RALGAPA1: variants seen among roughly 807,000 people sequenced by gnomAD.
The protein encoded by RALGAPA1 is ral GTPase-activating protein subunit alpha-1.
Under a neutral mutation model 269.6 loss-of-function variants are expected in RALGAPA1, and 52 were observed. That is an observed-to-expected ratio of 0.19 (90% confidence interval 0.15 to 0.24). The LOEUF (loss-of-function observed/expected upper bound fraction) is 0.24, where lower values mean the gene tolerates loss of function less well. RALGAPA1 is among the 10% of genes least tolerant of loss of function. RALGAPA1 has a pLI of 1.00. For synonymous variants in RALGAPA1, 817 were observed against 1,008.3 expected (o/e 0.81, Z 3.60); for missense variants, 1,917 against 3,013.9 (o/e 0.64, Z 8.52).
chr14:35,689,553 T>C lies in RALGAPA1; in HGVS notation c.2858A>G (p.Asn953Ser). The change falls in exon 18 of 42, where the codon AAT becomes AGT. Residue 953 changes from asparagine (N) to serine (S), a missense_variant. By Grantham distance (46) the Asn-to-Ser change is conservative (BLOSUM62 1). Coordinates refer to ENST00000680220, the MANE Select transcript of RALGAPA1 (RefSeq NM_001346249.2). ...LKEYFKENQE[N>S]HSKNETGKDP... ...TTTCCCTGTCTCATTTTTACTATGA[T>C]TTTCCTGGTTTTCCTTAAAATATTC... 1 of 1,241,662 alleles carries C rather than the reference T, an allele frequency of 8.1e-7. No individual in the cohort carries two copies. Among genetic ancestry groups the C allele is most frequent in the African/African-American group, 1.5e-5 (1 of 64,580 alleles). 76.9% of individuals were successfully genotyped at this position (1,241,662 alleles called of 1,614,324 possible).
chr14:35,778,134 C>T (rs1424211820), intron 1 of RALGAPA1, among the ~76,000 whole-genome samples: 1 of 152,118 alleles, frequency 6.6e-6, no homozygotes, highest in Non-Finnish European at 1.5e-5. Flanking sequence ...GATTACAACT[C>T]ACTGCAGCCT....
intron 27 of RALGAPA1, among the ~76,000 whole-genome samples, chr14:35,663,298 C>T (rs2063675441): frequency 6.6e-6 from 1 of 151,986 alleles, no homozygotes; most frequent in African/African-American, 2.4e-5. Flanking sequence ...AGAAGTCAGA[C>T]ATTGAACACG....
chr14:35,617,549 C>T (rs137921595), intron 35 of RALGAPA1, among the ~76,000 whole-genome samples: 3,306 of 141,694 alleles, frequency 0.023, 122 homozygotes, highest in South Asian at 0.15. Context: ...ACCCCGAAGG[C>T]GGAGGTTGCA....
In RALGAPA1 at chr14:35,759,538, A is replaced by G. The variant is rs529505271; in HGVS notation, c.547+1291T>C. On this transcript the variant is annotated intron_variant, in intron 6 of 41. Transcript: ENST00000680220. ...TTGCTCATGAAAGAATAAAGAAATA[A>G]CTTTAACTTATTTAAATAACAGGAT... Among the ~76,000 whole-genome samples the G allele has an allele frequency of 2.0e-5, 3 of 152,038 alleles. No individual in the cohort carries two copies. In the East Asian group the frequency reaches 5.8e-4, roughly 29 times the overall value.
chr14:35,579,252 A>G (rs1293542666), intron 37 of RALGAPA1, among the ~76,000 whole-genome samples: 2 of 152,170 alleles, frequency 1.3e-5, no homozygotes, highest in Non-Finnish European at 2.9e-5. Flanking sequence ...ATTATGGTAA[A>G]TGAAAAGGAA....
intron 4 of RALGAPA1, among the ~76,000 whole-genome samples, chr14:35,765,175 T>C (rs1440157718): frequency 6.6e-6 from 1 of 152,194 alleles, no homozygotes; most frequent in African/African-American, 2.4e-5. Flanking sequence ...CCATGTTCCT[T>C]TTCATTCATC....
rs139894507 is a variant in RALGAPA1, at chr14:35,758,908, G to C, written c.547+1921C>G. Among the ~76,000 whole-genome samples the C allele has an allele frequency of 5.9e-5, 9 of 152,256 alleles. No individual in the cohort carries two copies. In the East Asian group the frequency reaches 1.7e-3, roughly 29 times the overall value. On this transcript the variant is annotated intron_variant, in intron 6 of 41. Transcript: ENST00000680220. ...GTGGGAGGACTGCTTGACTTTAGGAGTTTAAGACCAGCCAGGCAACATAGC... is the reference window on the plus strand; with the variant it reads ...GTGGGAGGACTGCTTGACTTTAGGACTTTAAGACCAGCCAGGCAACATAGC...
intron 41 of RALGAPA1, chr14:35,542,314 C>T: frequency 3.9e-6 from 1 of 259,416 alleles, no homozygotes; most frequent in South Asian, 4.2e-5. Flanking sequence ...CCACATTAGA[C>T]AGTGCAGATA....
chr14:35,744,696 C>A (rs181594175), intron 10 of RALGAPA1, among the ~76,000 whole-genome samples: 1 of 152,328 alleles, frequency 6.6e-6, no homozygotes, highest in East Asian at 1.9e-4. Flanking sequence ...TTAATCAACT[C>A]ATTCCTAAAT....
At chr14:35,643,137 A>T (rs1367460869) in intron 31 of RALGAPA1, among the ~76,000 whole-genome samples, 1 of 151,492 alleles carries the variant, frequency 6.6e-6, no homozygotes, top group Non-Finnish European at 1.5e-5. Flanking sequence ...AACAATGAGA[A>T]CACTTAGACA....
chr14:35,737,103 C>A (rs1253141848), intron 12 of RALGAPA1, among the ~76,000 whole-genome samples: 2 of 150,070 alleles, frequency 1.3e-5, no homozygotes, highest in African/African-American at 2.4e-5. Flanking sequence ...AAGACCAACA[C>A]CCAAAATAAT....
At chr14:35,558,559 G>A (rs1273034299) in intron 39 of RALGAPA1, among the ~76,000 whole-genome samples, 1 of 152,136 alleles carries the variant, frequency 6.6e-6, no homozygotes, top group Non-Finnish European at 1.5e-5. Flanking sequence ...ATTACTACAG[G>A]TGGTTGCTTA....
rs1044699589 is a variant in RALGAPA1 at position 35,721,384 on chromosome 14, T to A, written c.2266+304A>T. Among the ~76,000 whole-genome samples, 4 of 152,324 alleles carry A rather than the reference T, an allele frequency of 2.6e-5. No homozygotes were observed. The East Asian group carries it at 7.7e-4, about 29-fold the overall frequency. Reference sequence around the variant, plus strand: ...TCAATGAAACCACATCAGTTAATGCTTGAGTTCTGTAAAGTGAATCACAGT... The same window carrying A: ...TCAATGAAACCACATCAGTTAATGCATGAGTTCTGTAAAGTGAATCACAGT... On this transcript the variant is annotated intron_variant, in intron 16 of 41. Coordinates refer to ENST00000680220, the MANE Select transcript of RALGAPA1 (RefSeq NM_001346249.2).
intron 24 of RALGAPA1, 82 bp from the exon 25 acceptor site, chr14:35,673,104 T>C: frequency 7.8e-7 from 1 of 1,284,942 alleles, no homozygotes; most frequent in South Asian, 2.0e-5. Flanking sequence ...TAGCAAACGA[T>C]GTATATAATC....
intron 22 of RALGAPA1, among the ~76,000 whole-genome samples, 178 bp from the exon 23 acceptor site, chr14:35,674,887 T>G (rs1208778382): frequency 6.6e-6 from 1 of 152,150 alleles, no homozygotes; most frequent in Non-Finnish European, 1.5e-5. Flanking sequence ...GAGATAATAA[T>G]AAGGAATTAT....
chr14:35,549,638 G>A (rs919856604), intron 39 of RALGAPA1, among the ~76,000 whole-genome samples: 4 of 151,994 alleles, frequency 2.6e-5, no homozygotes, highest in African/African-American at 7.3e-5. Flanking sequence ...CAAAAGCCAC[G>A]CAAGAAACAT....
chr14:35,704,322 C>T (rs765238749), intron 16 of RALGAPA1, among the ~76,000 whole-genome samples: 8 of 152,020 alleles, frequency 5.3e-5, no homozygotes, highest in Non-Finnish European at 1.0e-4. Context: ...TTAGCATAAG[C>T]AAAACCACAG....
At chr14:35,730,863 T>C (rs1223059138) in intron 12 of RALGAPA1, among the ~76,000 whole-genome samples, 1 of 152,128 alleles carries the variant, frequency 6.6e-6, no homozygotes, top group African/African-American at 2.4e-5. Context: ...CCACTGCCAG[T>C]TCCTTTCCAT....
At chr14:35,805,268 CAAAAGAAAAAAAA>C (rs369673361) in intron 1 of RALGAPA1, among the ~76,000 whole-genome samples, 3 of 139,112 alleles carry the variant, frequency 2.2e-5, no homozygotes, top group African/African-American at 8.0e-5. Flanking sequence ...TACTAAAATA[CAAAAGAAAAAAAA>C]AAAAGAAAAA....
Sources: gnomAD v4.1 joint callset for allele counts (sites outside exome capture counted in the v4.1 genomes callset) on GRCh38, gnomAD v4.1.1 for gene constraint, MANE v1.5 for transcripts, NCBI Gene and HGNC (gene_info 2026-07-23, HGNC 2026-07-21) for gene names.